The following TDRP variants were observed in gnomAD, a reference collection of about 807,000 sequenced individuals.
TDRP encodes the protein testis development-related protein.
A neutral mutation model predicts 10.5 loss-of-function variants in TDRP; 12 were observed. The ratio of observed to expected loss-of-function variants is 1.15; its 90% confidence interval spans 0.73 to 1.86. The LOEUF is 1.86. TDRP is among the 40% of genes most tolerant of loss of function. The pLI is 0.00. For synonymous variants in TDRP, 139 were observed against 95.4 expected (o/e 1.46, Z -2.67); for missense variants, 353 against 229.2 (o/e 1.54, Z -3.49).
chr8:541,693 A>T (rs1802498357), intron 1 of TDRP, among the ~76,000 whole-genome samples: 2 of 152,224 alleles, frequency 1.3e-5, no homozygotes, highest in Admixed American at 1.3e-4. Context: ...ATCGCAATTC[A>T]AGACAAAGAG....
intron 1 of TDRP, among the ~76,000 whole-genome samples, chr8:512,985 A>G (rs529364769): frequency 1.3e-5 from 2 of 150,774 alleles, no homozygotes; most frequent in South Asian, 4.2e-4. Flanking sequence ...AAAAAAAAAA[A>G]CAAGGTGGAG....
At chr8:518,193 G>C (rs976776550) in intron 1 of TDRP, among the ~76,000 whole-genome samples, 5 of 151,792 alleles carry the variant, frequency 3.3e-5, no homozygotes, top group Admixed American at 1.3e-4. Context: ...GTTGGTAGCA[G>C]GGAAGGTAGG....
intron 1 of TDRP, among the ~76,000 whole-genome samples, chr8:529,381 A>G (rs79746965): frequency 0.061 from 9,321 of 152,300 alleles, 389 homozygotes; most frequent in South Asian, 0.14. Context: ...GTCTAATTCT[A>G]TACCAGAATT....
chr8:539,687 G>A (rs188690859), intron 1 of TDRP, among the ~76,000 whole-genome samples: 61 of 152,316 alleles, frequency 4.0e-4, no homozygotes, highest in Admixed American at 2.0e-3. Context: ...AAAGGCCTCT[G>A]CCTCCCCACA....
chr8:538,398 G>C (rs1313469062), intron 1 of TDRP, among the ~76,000 whole-genome samples: 1 of 152,180 alleles, frequency 6.6e-6, no homozygotes, highest in Non-Finnish European at 1.5e-5. Flanking sequence ...TGGCAGCTGT[G>C]TAGCCTTCCC....
chr8:517,034 G>A (rs986254006), intron 1 of TDRP, among the ~76,000 whole-genome samples: 1 of 152,152 alleles, frequency 6.6e-6, no homozygotes, highest in African/African-American at 2.4e-5. Context: ...GCTCTTGGAG[G>A]AACCAGAAAA....
chr8:515,955 G>C (rs963736055), intron 1 of TDRP, among the ~76,000 whole-genome samples: 1 of 151,870 alleles, frequency 6.6e-6, no homozygotes, highest in Non-Finnish European at 1.5e-5. Context: ...TTAGACAATA[G>C]AAAAAGAAAT....
intron 1 of TDRP, among the ~76,000 whole-genome samples, chr8:519,582 C>A (rs988971927): frequency 3.9e-5 from 6 of 152,178 alleles, no homozygotes; most frequent in Admixed American, 2.6e-4. Flanking sequence ...CCCTCTCCCC[C>A]ACCCTCAGCC....
intron 1 of TDRP, among the ~76,000 whole-genome samples, chr8:495,564 G>T (rs762807896): frequency 6.6e-6 from 1 of 152,222 alleles, no homozygotes; most frequent in African/African-American, 2.4e-5. Context: ...AAAATCCGGC[G>T]TGTGTCGAAG....
chr8:522,701 C>G (rs560475934), intron 1 of TDRP, among the ~76,000 whole-genome samples: 4 of 152,174 alleles, frequency 2.6e-5, no homozygotes, highest in African/African-American at 7.2e-5. Flanking sequence ...CCGACTGACT[C>G]GGTGCACCTA....
chr8:522,475 T>G (rs1048038203), intron 1 of TDRP, among the ~76,000 whole-genome samples: 10 of 152,202 alleles, frequency 6.6e-5, no homozygotes, highest in Non-Finnish European at 1.0e-4. Flanking sequence ...TCTCTAGCTG[T>G]GCAGCTCTAA....
At chr8:510,879 C>G (rs1472770222) in intron 1 of TDRP, among the ~76,000 whole-genome samples, 2 of 152,072 alleles carry the variant, frequency 1.3e-5, no homozygotes, top group East Asian at 1.9e-4. Flanking sequence ...GTCTGAAAAG[C>G]AATTGCATAG....
intron 1 of TDRP, among the ~76,000 whole-genome samples, chr8:544,163 C>T (rs1678692982): frequency 6.6e-6 from 1 of 152,180 alleles, no homozygotes; most frequent in Non-Finnish European, 1.5e-5. Context: ...CTACGGTCGT[C>T]CAAAGCTGCT....
intron 1 of TDRP, among the ~76,000 whole-genome samples, chr8:525,744 G>A (rs190587236): frequency 2.8e-4 from 42 of 152,094 alleles, no homozygotes; most frequent in Non-Finnish European, 3.8e-4. Flanking sequence ...AATCACCGAC[G>A]GGAAGGAAGG....
chr8:495,654 G>C (rs1801107933), intron 1 of TDRP, among the ~76,000 whole-genome samples: 1 of 152,204 alleles, frequency 6.6e-6, no homozygotes, highest in South Asian at 2.1e-4. Flanking sequence ...TCACGGGGTA[G>C]AGCCAGCTTT....
intron 1 of TDRP, among the ~76,000 whole-genome samples, chr8:521,727 A>T (rs539459336): frequency 6.6e-6 from 1 of 152,204 alleles, no homozygotes; most frequent in African/African-American, 2.4e-5. Context: ...TATTCAGGTC[A>T]TTTGAGATTC....
chr8:513,182 A>G (rs1801663973), intron 1 of TDRP, among the ~76,000 whole-genome samples: 1 of 152,050 alleles, frequency 6.6e-6, no homozygotes, highest in Admixed American at 6.5e-5. Flanking sequence ...TACTGATACC[A>G]AAACTAGACA....
intron 1 of TDRP, among the ~76,000 whole-genome samples, chr8:544,352 G>T (rs1365323833): frequency 6.6e-6 from 1 of 152,006 alleles, no homozygotes; most frequent in African/African-American, 2.4e-5. Context: ...ACACGTGCAG[G>T]GGGCACTGGG....
At chr8:497,071 A>G (rs960295948) in intron 1 of TDRP, among the ~76,000 whole-genome samples, 1 of 152,196 alleles carries the variant, frequency 6.6e-6, no homozygotes, top group African/African-American at 2.4e-5. Context: ...ACTAACACAG[A>G]GAATTGGTAC....
Sources: gnomAD v4.1 joint callset for allele counts (sites outside exome capture counted in the v4.1 genomes callset) on GRCh38, gnomAD v4.1.1 for gene constraint, MANE v1.5 for transcripts, NCBI Gene and HGNC (gene_info 2026-07-23, HGNC 2026-07-21) for gene names.